FILIP1L: variants seen among roughly 807,000 people sequenced by gnomAD.
FILIP1L encodes filamin A interacting protein 1 like.
FILIP1L carries 55 observed loss-of-function variants against 96.6 expected under a neutral mutation model. The ratio of observed to expected loss-of-function variants is 0.57; its 90% CI spans 0.46 to 0.71. FILIP1L has a LOEUF of 0.71. Among genes scored for constraint, FILIP1L ranks in the 30% least tolerant of loss-of-function variants. The probability of loss-of-function intolerance (pLI) is 0.00; values close to 1 mark genes in which losing one functional copy is unlikely to be tolerated. For missense variants in FILIP1L, 1,304 were observed against 1,321.2 expected (o/e 0.99, Z 0.20); for synonymous variants, 467 against 473.9 (o/e 0.99, Z 0.19).
At chr3:100,067,367 G>A (rs936194115) in intron 1 of FILIP1L, among the ~76,000 whole-genome samples, 1 of 152,174 alleles carries the variant, frequency 6.6e-6, no homozygotes, top group African/African-American at 2.4e-5. Flanking sequence ...TGGAAAGCAG[G>A]TAACTAAGCA....
In FILIP1L at chr3:99,848,590, T is replaced by C. The variant is rs778243256; in HGVS notation, c.3086A>G (p.His1029Arg). 1.2e-6 allele frequency: 2 copies of C among 1,614,106 alleles called. No individual in the cohort carries two copies. The highest frequency in any genetic ancestry group is 2.7e-5 in the African/African-American group (2 of 74,930). The change falls in exon 5 of 6, where the codon CAT (histidine) becomes CGT (arginine). Residue 1029 changes from histidine to arginine, a missense_variant. His to Arg is a conservative substitution (Grantham distance 29). Transcript: ENST00000477258. ...SPEPTEISAK[H>R]AIFRVSPDRQ... ...GTCTGGGGAGACTCTGAATATCGCA[T>C]GCTTGGCACTGATTTCTGTTGGTTC...
At chr3:99,928,558 A>G (rs750185280) in intron 3 of FILIP1L, among the ~76,000 whole-genome samples, 1 of 152,202 alleles carries the variant, frequency 6.6e-6, no homozygotes, top group Non-Finnish European at 1.5e-5. Context: ...GAAGGGGGGT[A>G]TTTCCAATTT....
chr3:99,832,098 A>G (rs1189489484), intron 5 of FILIP1L, among the ~76,000 whole-genome samples: 1 of 152,118 alleles, frequency 6.6e-6, no homozygotes, highest in Non-Finnish European at 1.5e-5. Context: ...CTGGGCTCCT[A>G]CTTGTTTCTA....
chr3:99,968,437 A>T (rs1708719887), intron 1 of FILIP1L, among the ~76,000 whole-genome samples: 1 of 152,100 alleles, frequency 6.6e-6, no homozygotes, highest in African/African-American at 2.4e-5. Flanking sequence ...GGGAAAAAAA[A>T]AAAAAAGACT....
chr3:99,855,117 A>T (rs1304937700), intron 4 of FILIP1L, among the ~76,000 whole-genome samples: 1 of 152,108 alleles, frequency 6.6e-6, no homozygotes, highest in African/African-American at 2.4e-5. Flanking sequence ...AACTCTGCCA[A>T]TTGTTGTTCA....
At chr3:99,847,846 G>T in intron 5 of FILIP1L, 1 of 631,298 alleles carries the variant, frequency 1.6e-6, no homozygotes, top group Non-Finnish European at 2.0e-6. Context: ...AATTAATAGA[G>T]ACTATAAGCA....
intron 1 of FILIP1L, among the ~76,000 whole-genome samples, chr3:99,986,165 G>C (rs1314243588): frequency 6.6e-6 from 1 of 152,170 alleles, no homozygotes. Flanking sequence ...ATAAGAACCA[G>C]ATATCTCAAA....
intron 1 of FILIP1L, among the ~76,000 whole-genome samples, chr3:100,056,316 A>G (rs368335485): frequency 2.6e-5 from 4 of 152,294 alleles, no homozygotes; most frequent in Middle Eastern, 3.4e-3. Context: ...TCCTTCCATA[A>G]ATATTGTTAC....
intron 4 of FILIP1L, among the ~76,000 whole-genome samples, chr3:99,885,299 G>A (rs1445885786): frequency 2.0e-5 from 3 of 152,206 alleles, no homozygotes; most frequent in Admixed American, 6.5e-5. Context: ...GGGACCTGGT[G>A]TTGACTCTCA....
intron 1 of FILIP1L, among the ~76,000 whole-genome samples, chr3:100,107,877 T>TAA (rs11322494): frequency 1.5e-4 from 19 of 130,054 alleles, no homozygotes; most frequent in South Asian, 2.4e-4. Context: ...GCAAGAGAAT[T>TAA]AAAAAAAAAA....
At chr3:99,982,182 GT>G (rs962460050) in intron 1 of FILIP1L, among the ~76,000 whole-genome samples, 1 of 151,672 alleles carries the variant, frequency 6.6e-6, no homozygotes, top group Admixed American at 6.6e-5. Flanking sequence ...TTTAGTATAT[GT>G]TTTTTTAATA....
chr3:99,880,605 T>C (rs1459952502), intron 4 of FILIP1L, among the ~76,000 whole-genome samples: 1 of 152,170 alleles, frequency 6.6e-6, no homozygotes, highest in Non-Finnish European at 1.5e-5. Context: ...GAATGGGAAG[T>C]CCTTTGTTAT....
chr3:100,041,483 A>G (rs1425726688), intron 1 of FILIP1L: 1 of 152,110 alleles, frequency 6.6e-6, no homozygotes, highest in African/African-American at 2.4e-5. Context: ...TAGCCCTGTT[A>G]TATCAGTGTT....
chr3:99,981,896 C>T (rs1394817950), intron 1 of FILIP1L, among the ~76,000 whole-genome samples: 11 of 152,128 alleles, frequency 7.2e-5, no homozygotes, highest in African/African-American at 2.2e-4. Flanking sequence ...CCCAGCAAGG[C>T]GGGAGGATCG....
chr3:99,879,263 A>G (rs1162524617), intron 4 of FILIP1L, among the ~76,000 whole-genome samples: 1 of 152,198 alleles, frequency 6.6e-6, no homozygotes, highest in Non-Finnish European at 1.5e-5. Flanking sequence ...GCAAGAAACA[A>G]GGAGATACCA....
chr3:99,878,468 CT>C (rs1422092276), intron 4 of FILIP1L, among the ~76,000 whole-genome samples: 2 of 152,228 alleles, frequency 1.3e-5, no homozygotes, highest in Non-Finnish European at 2.9e-5. Context: ...CATATATAGT[CT>C]TACATATATA....
At chr3:100,098,966 T>C (rs2066259575) in intron 1 of FILIP1L, among the ~76,000 whole-genome samples, 2 of 152,228 alleles carry the variant, frequency 1.3e-5, no homozygotes, top group Admixed American at 6.5e-5. Context: ...GATTCAGCCA[T>C]GCATGGGATG....
chr3:99,926,019 G>T (rs1707282461), intron 3 of FILIP1L: 1 of 227,882 alleles, frequency 4.4e-6, no homozygotes, highest in Non-Finnish European at 7.3e-6. Context: ...TTCTAGATTA[G>T]ATACAGATGC....
chr3:99,935,365 A>G (rs1231499478), intron 1 of FILIP1L, among the ~76,000 whole-genome samples: 2 of 152,204 alleles, frequency 1.3e-5, no homozygotes, highest in Non-Finnish European at 2.9e-5. Flanking sequence ...TACAAGGGAA[A>G]AAAACCTGCT....
Sources: gnomAD v4.1 joint callset for allele counts (sites outside exome capture counted in the v4.1 genomes callset) on GRCh38, gnomAD v4.1.1 for gene constraint, MANE v1.5 for transcripts, NCBI Gene and HGNC (gene_info 2026-07-23, HGNC 2026-07-21) for gene names.